ANKRD26: variants seen among roughly 807,000 people sequenced by gnomAD.
The protein encoded by ANKRD26 is ankyrin repeat domain-containing protein 26.
Under a neutral mutation model 208.7 loss-of-function variants are expected in ANKRD26, and 141 were observed. The ratio of observed to expected loss-of-function variants is 0.68; its 90% CI spans 0.59 to 0.78. ANKRD26 has a LOEUF of 0.78. Ranked by LOEUF, ANKRD26 falls within the 30% of genes least tolerant of loss-of-function variation. The pLI is 0.00. For synonymous variants in ANKRD26, 636 were observed against 660.4 expected (o/e 0.96, Z 0.57); for missense variants, 1,889 against 1,938.7 (o/e 0.97, Z 0.48).
At chr10:26,981,900 T>TG (rs1437569857) in intron 4 of ANKRD26, among the ~76,000 whole-genome samples, 1 of 152,166 alleles carries the variant, frequency 6.6e-6, no homozygotes. Context: ...CAGGAGGGGC[T>TG]GACCTGTTGG....
intron 11 of ANKRD26, chr10:27,066,161 G>T: frequency 6.0e-6 from 1 of 167,088 alleles, no homozygotes; most frequent in Non-Finnish European, 1.3e-5. Context: ...TTGCCTGGCC[G>T]ACCTGAAATA....
intron 15 of ANKRD26, among the ~76,000 whole-genome samples, chr10:27,059,490 G>C (rs2054968898): frequency 6.6e-6 from 1 of 152,138 alleles, no homozygotes; most frequent in African/African-American, 2.4e-5. Context: ...CATGGGAATG[G>C]GAACGATAGC....
chr10:26,975,402 C>CTTTTTTTTTTTTTTTTTTTTT (rs60226106), exon 6 of ANKRD26, among the ~76,000 whole-genome samples: 14 of 90,468 alleles, frequency 1.5e-4, no homozygotes, highest in Admixed American at 4.4e-4. Context: ...CTAATTTTTG[C>CTTTTTTTTTTTTTTTTTTTTT]TTTTTTTTTT....
intron 9 of ANKRD26, among the ~76,000 whole-genome samples, chr10:27,076,509 C>A (rs968748485): frequency 6.6e-6 from 1 of 152,048 alleles, no homozygotes; most frequent in African/African-American, 2.4e-5. Flanking sequence ...AGGTGATCTG[C>A]CCGTCTAGGC....
chr10:27,093,893 T>C (rs1322914006), intron 1 of ANKRD26, 94 bp from the exon 2 acceptor site: 2 of 1,071,172 alleles, frequency 1.9e-6, no homozygotes, highest in South Asian at 1.3e-5. Flanking sequence ...AGCATGTTGA[T>C]ATGGTTTGGC....
At chr10:27,083,699 C>G (rs1387999539) in intron 5 of ANKRD26, among the ~76,000 whole-genome samples, 2 of 152,258 alleles carry the variant, frequency 1.3e-5, no homozygotes, top group Non-Finnish European at 2.9e-5. Flanking sequence ...ATGGCTTTAA[C>G]TACTGCAAAA....
intron 9 of ANKRD26, among the ~76,000 whole-genome samples, chr10:27,069,065 A>G (rs911461950): frequency 3.3e-5 from 5 of 151,930 alleles, no homozygotes; most frequent in Non-Finnish European, 7.4e-5. Context: ...GTGGTGGCAC[A>G]TGCCCTGTAA....
In ANKRD26 at chr10:26,976,659, T is replaced by C. The variant is rs1015662954; in HGVS notation, c.*282-617A>G. On this transcript the variant is annotated intron_variant and NMD_transcript_variant, in intron 5 of 5. Coordinates refer to the ANKRD26 transcript ENST00000674670. ...TTTGTTTGTAGCACTTCATATTTTGTAGCACTTCAATTTTTTTTTTATTGA... is the reference window on the plus strand; with the variant it reads ...TTTGTTTGTAGCACTTCATATTTTGCAGCACTTCAATTTTTTTTTTATTGA... Among the ~76,000 whole-genome samples the C allele has an allele frequency of 2.0e-5, 3 of 152,202 alleles. No individual in the cohort carries two copies. The South Asian group carries it at 6.2e-4, about 32-fold the overall frequency.
chr10:27,082,747 A>AT, intron 6 of ANKRD26, 56 bp downstream of exon 6: 1 of 1,532,814 alleles, frequency 6.5e-7, no homozygotes, highest in Non-Finnish European at 8.8e-7. Flanking sequence ...GGCACTCAAC[A>AT]GTTTCTTTTC....
At chr10:26,996,411 T>C (rs1019431888) in intron 4 of ANKRD26, among the ~76,000 whole-genome samples, 2 of 151,850 alleles carry the variant, frequency 1.3e-5, no homozygotes, top group Admixed American at 6.6e-5. Context: ...AATACAAAAA[T>C]CAGTTGGGCG....
the ANKRD26 span, among the ~76,000 whole-genome samples, chr10:26,957,685 G>C: frequency 6.6e-6 from 1 of 152,182 alleles, no homozygotes; most frequent in Non-Finnish European, 1.5e-5. Context: ...ACACTCTCTG[G>C]TCGTTTGGGG....
At chr10:26,976,127 T>G (rs538621861) in intron 5 of ANKRD26, among the ~76,000 whole-genome samples, 1 of 152,290 alleles carries the variant, frequency 6.6e-6, no homozygotes, top group African/African-American at 2.4e-5. Context: ...CTTGGTTAAA[T>G]TACTCAACTT....
chr10:27,057,720 C>T (rs2054887909), intron 15 of ANKRD26, among the ~76,000 whole-genome samples: 1 of 152,048 alleles, frequency 6.6e-6, no homozygotes, highest in South Asian at 2.1e-4. Context: ...GGGTGGATCA[C>T]GAGGTCAAGA....
intron 32 of ANKRD26, among the ~76,000 whole-genome samples, chr10:27,009,489 G>C (rs1219655813): frequency 6.6e-6 from 1 of 152,000 alleles, no homozygotes; most frequent in Non-Finnish European, 1.5e-5. Flanking sequence ...ATTGTCTCCA[G>C]TTAAATAACT....
At chr10:27,060,217 T>A (rs1157083153) in intron 15 of ANKRD26, 128 bp downstream of exon 15, 1 of 933,276 alleles carries the variant, frequency 1.1e-6, no homozygotes. Context: ...AAAAAAAAAT[T>A]TTTTTAAATC....
rs2297149 is a variant in ANKRD26 at position 27,093,599 on chromosome 10, G to A, written c.358-77C>T. On this transcript the variant is annotated intron_variant, in intron 2 of 33. Coordinates refer to ENST00000376087, the MANE Select transcript of ANKRD26 (RefSeq NM_014915.3). ...AACACTCCACAGGTTTCACCAATTAGTTATATTTTAATGAGATAAATTCAT... is the reference window on the plus strand; with the variant it reads ...AACACTCCACAGGTTTCACCAATTAATTATATTTTAATGAGATAAATTCAT... 0.13 allele frequency: 202,055 copies of A among 1,595,886 alleles called. 14,135 individuals are homozygous for A. Among genetic ancestry groups the A allele is most frequent in the East Asian group, 0.28 (12,431 of 44,740 alleles).
intron 6 of ANKRD26, among the ~76,000 whole-genome samples, chr10:27,082,279 T>C (rs770090557): frequency 1.3e-5 from 2 of 152,216 alleles, no homozygotes; most frequent in Non-Finnish European, 2.9e-5. Flanking sequence ...TTTATAGGAC[T>C]TGTGTGGTCT....
At chr10:26,972,247 A>AG (rs2052161320), downstream of ANKRD26, among the ~76,000 whole-genome samples, 1 of 151,836 alleles carries the variant, frequency 6.6e-6, no homozygotes, top group East Asian at 1.9e-4. Flanking sequence ...AAAAAAAAAA[A>AG]AAAAGAAAAT....
intron 5 of ANKRD26, among the ~76,000 whole-genome samples, chr10:26,980,252 G>C (rs888600106): frequency 1.3e-5 from 2 of 152,204 alleles, no homozygotes; most frequent in African/African-American, 4.8e-5. Context: ...ATAATTAACA[G>C]AGCAGTGGCT....
Sources: gnomAD v4.1 joint callset for allele counts (sites outside exome capture counted in the v4.1 genomes callset) on GRCh38, gnomAD v4.1.1 for gene constraint, MANE v1.5 for transcripts, NCBI Gene and HGNC (gene_info 2026-07-23, HGNC 2026-07-21) for gene names.